INVS: variants seen among roughly 807,000 people sequenced by gnomAD.
INVS encodes the protein inversion of embryo turning homolog.
A neutral mutation model predicts 108.8 loss-of-function variants in INVS; 86 were observed. The observed-to-expected ratio is 0.79, with a 90% CI of 0.66 to 0.95. INVS has a LOEUF of 0.95. Ranked by LOEUF, INVS falls within the 40% of genes least tolerant of loss-of-function variation. The probability of loss-of-function intolerance (pLI) is 0.00; values close to 1 mark genes in which losing one functional copy is unlikely to be tolerated. For synonymous variants in INVS, 455 were observed against 473.5 expected, an observed-to-expected ratio of 0.96 and a Z score of 0.51; for missense variants, 1,169 against 1,297.4, an observed-to-expected ratio of 0.90 and a Z score of 1.52.
chr9:100,112,761 A>C (rs998940750), intron 2 of INVS, among the ~76,000 whole-genome samples: 1 of 152,152 alleles, frequency 6.6e-6, no homozygotes, highest in African/African-American at 2.4e-5. Flanking sequence ...CCTGGGCTAC[A>C]TGTGGCCCAC....
At chr9:100,256,005 G>T (rs906638787) in intron 10 of INVS, among the ~76,000 whole-genome samples, 7 of 152,152 alleles carry the variant, frequency 4.6e-5, no homozygotes, top group African/African-American at 1.7e-4. Context: ...GCTCCTCTTT[G>T]TACCTCTGGG....
intron 3 of INVS, among the ~76,000 whole-genome samples, chr9:100,161,993 G>A (rs1199968048): frequency 1.3e-5 from 2 of 152,162 alleles, no homozygotes; most frequent in Non-Finnish European, 2.9e-5. Flanking sequence ...TAGACTTCCT[G>A]CAAGGAGCAT....
At chr9:100,209,769 C>CGAAA (rs1830779569) in intron 3 of INVS, among the ~76,000 whole-genome samples, 1 of 72,288 alleles carries the variant, frequency 1.4e-5, no homozygotes, top group Non-Finnish European at 2.7e-5. Context: ...GACTCCGTCT[C>CGAAA]AAAAAAAAAA....
chr9:100,129,208 G>A (rs1827976694), intron 3 of INVS, among the ~76,000 whole-genome samples: 2 of 150,408 alleles, frequency 1.3e-5, no homozygotes, highest in Admixed American at 6.6e-5. Flanking sequence ...CTGGCAGGGT[G>A]CAGTGGCTCA....
intron 3 of INVS, among the ~76,000 whole-genome samples, chr9:100,186,644 G>A (rs982524919): frequency 4.6e-5 from 7 of 151,874 alleles, no homozygotes; most frequent in African/African-American, 1.7e-4. Context: ...TTTTCCAGAT[G>A]TTGGCCATTT....
intron 3 of INVS, among the ~76,000 whole-genome samples, chr9:100,209,494 G>A (rs1468323245): frequency 4.6e-5 from 7 of 152,108 alleles, no homozygotes; most frequent in African/African-American, 1.7e-4. Flanking sequence ...GTACTGGCCG[G>A]GTGCAGTGGC....
At position 100,240,083 on chromosome 9, in the gene INVS, AC is replaced by A; in HGVS notation, c.640del (p.Leu214Ter). On this transcript the variant is annotated frameshift_variant, in exon 6 of 17. Transcript: ENST00000262457. LOFTEE classifies it high-confidence loss of function. ...AGGATGCTGCTCCAACAGAGTCTTT[AC>A]TGAACTGGCAAGACTACGAGGGTCG... is the stretch of plus-strand genomic sequence containing the variant. Reference protein sequence around the residue: ...ILDAAPTESLLNWQDYEGRTP... With the variant: ...ILDAAPTESLXNWQDYEGRTP... 3 of 1,614,150 alleles carry A rather than the reference AC, an allele frequency of 1.9e-6. No individual in the cohort carries two copies. The highest frequency in any genetic ancestry group is 2.5e-6 in the Non-Finnish European group (3 of 1,179,984).
chr9:100,174,842 G>A (rs1377348654), intron 3 of INVS, among the ~76,000 whole-genome samples: 1 of 152,134 alleles, frequency 6.6e-6, no homozygotes, highest in Non-Finnish European at 1.5e-5. Context: ...AACCCAGGAG[G>A]AGGAGGTTGC....
chr9:100,104,102 C>T (rs189080695), intron 1 of INVS, among the ~76,000 whole-genome samples: 14 of 152,250 alleles, frequency 9.2e-5, no homozygotes, highest in Admixed American at 6.5e-4. Context: ...CTCAGATAGT[C>T]CCTAAGAAGA....
At chr9:100,117,749 A>G in intron 2 of INVS, 1 of 519,040 alleles carries the variant, frequency 1.9e-6, no homozygotes. Flanking sequence ...TATGGACTGA[A>G]TATTTGTATT....
In INVS at chr9:100,195,907, G is replaced by T. The variant is rs559266542; in HGVS notation, c.274-30155G>T. Among the ~76,000 whole-genome samples the T allele has an allele frequency of 2.0e-5, 3 of 152,278 alleles. No individual in the cohort carries two copies. The South Asian group carries it at 6.2e-4, about 32-fold the overall frequency. On this transcript the variant is annotated intron_variant, in intron 3 of 16. Transcript: ENST00000262457. ...AAGGATTTTTGCAACAGTGTTAAAAGGAATATTGGTCTATAGTTTAGTTGT... is the reference window on the plus strand; with the variant it reads ...AAGGATTTTTGCAACAGTGTTAAAATGAATATTGGTCTATAGTTTAGTTGT...
chr9:100,274,592 C>T (rs1344916833), intron 12 of INVS, among the ~76,000 whole-genome samples: 5 of 152,204 alleles, frequency 3.3e-5, no homozygotes, highest in Admixed American at 3.3e-4. Flanking sequence ...GCAGCCTCCA[C>T]CTCCCGGGTT....
intron 1 of INVS, 38 bp downstream of exon 1, chr9:100,099,454 A>G (rs1323980561): frequency 6.5e-6 from 1 of 152,874 alleles, no homozygotes; most frequent in African/African-American, 2.4e-5. Flanking sequence ...GGCTCAGATC[A>G]TTCGGTCCGC....
intron 3 of INVS, among the ~76,000 whole-genome samples, chr9:100,165,043 A>T (rs1829318009): frequency 6.6e-6 from 1 of 151,774 alleles, no homozygotes; most frequent in Non-Finnish European, 1.5e-5. Flanking sequence ...TATTTCCTGT[A>T]AATTAGCTGT....
intron 3 of INVS, among the ~76,000 whole-genome samples, chr9:100,184,731 G>GT (rs991670873): frequency 5.9e-5 from 9 of 152,166 alleles, no homozygotes; most frequent in African/African-American, 1.9e-4. Context: ...GTGGGGGAAA[G>GT]TAAGGGGAGC....
At chr9:100,152,019 C>T (rs1476261099) in intron 3 of INVS, among the ~76,000 whole-genome samples, 1 of 152,120 alleles carries the variant, frequency 6.6e-6, no homozygotes, top group African/African-American at 2.4e-5. Context: ...GTTGTTGGAC[C>T]CAAAGGCAGC....
chr9:100,117,202 G>A lies in INVS; in HGVS notation c.107-9181G>A, dbSNP rs569669384. ...TACGGATGGTGGTGGCCACTTCCTT[G>A]GAGCACTTAACACCCAGACCGACGT... is the stretch of plus-strand genomic sequence containing the variant. On this transcript the variant is annotated intron_variant, in intron 2 of 16. Transcript: ENST00000262457. 54 of 1,018,820 alleles carry A rather than the reference G, an allele frequency of 5.3e-5. No individual in the cohort carries two copies. In the East Asian group the frequency reaches 1.3e-3, roughly 24 times the overall value. The allele number at this position is 1,018,820 out of a possible 1,614,324, so 63.1% of individuals were successfully genotyped here.
intron 3 of INVS, chr9:100,130,462 G>A (rs1265359801): frequency 2.0e-5 from 3 of 152,122 alleles, no homozygotes; most frequent in Admixed American, 2.0e-4. Flanking sequence ...TATGGAGGCA[G>A]AAGTGTTCAT....
At chr9:100,248,688 C>T (rs1832125530) in intron 8 of INVS, among the ~76,000 whole-genome samples, 2 of 152,048 alleles carry the variant, frequency 1.3e-5, no homozygotes, top group African/African-American at 2.4e-5. Context: ...CTCTCAGCTT[C>T]GTGTTGATCC....
Sources: gnomAD v4.1 joint callset for allele counts (sites outside exome capture counted in the v4.1 genomes callset) on GRCh38, gnomAD v4.1.1 for gene constraint, MANE v1.5 for transcripts, NCBI Gene and HGNC (gene_info 2026-07-23, HGNC 2026-07-21) for gene names.